Variants in LEMD1 observed in about 807,000 individuals in gnomAD.
LEMD1 encodes LEM domain containing 1.
A neutral mutation model predicts 17.4 loss-of-function variants in LEMD1; 18 were observed. That is an observed-to-expected ratio of 1.04 (90% CI 0.72 to 1.54). The LOEUF (loss-of-function observed/expected upper bound fraction) is 1.54. Among genes scored for constraint, LEMD1 ranks in the 40% most tolerant of loss-of-function variants. The pLI is 0.00. For synonymous variants in LEMD1, 88 were observed against 77.8 expected (o/e 1.13, Z -0.69); for missense variants, 195 against 210.4 (o/e 0.93, Z 0.45).
chr1:205,442,234 T>C (rs929256105), intron 1 of LEMD1, among the ~76,000 whole-genome samples: 2 of 152,126 alleles, frequency 1.3e-5, no homozygotes, highest in Non-Finnish European at 2.9e-5. Flanking sequence ...GCCCAAGTGC[T>C]GCGGGGAAGG....
intron 5 of LEMD1, 67 bp from the exon 6 acceptor site, chr1:205,381,923 T>C: frequency 1.3e-6 from 2 of 1,518,050 alleles, no homozygotes; most frequent in South Asian, 2.3e-5. Flanking sequence ...CCCCTTAAAG[T>C]GTGTGGGTCT....
intron 4 of LEMD1, among the ~76,000 whole-genome samples, chr1:205,392,244 A>G (rs1449463085): frequency 6.6e-6 from 1 of 152,228 alleles, no homozygotes; most frequent in Non-Finnish European, 1.5e-5. Context: ...TGTTTCAATG[A>G]ACAATATGAA....
At chr1:205,400,848 C>CT (rs1288201048) in intron 4 of LEMD1, among the ~76,000 whole-genome samples, 1 of 112,212 alleles carries the variant, frequency 8.9e-6, no homozygotes, top group Admixed American at 1.0e-4. Flanking sequence ...ATCCCTCCCC[C>CT]CCCCCACCCC....
chr1:205,418,462 G>A (rs908330899), intron 3 of LEMD1, among the ~76,000 whole-genome samples: 12 of 152,150 alleles, frequency 7.9e-5, no homozygotes, highest in Non-Finnish European at 1.2e-4. Flanking sequence ...GCTGTCAGTT[G>A]TCATATAAAT....
At chr1:205,390,567 C>A (rs1215835678) in intron 4 of LEMD1, among the ~76,000 whole-genome samples, 1 of 152,046 alleles carries the variant, frequency 6.6e-6, no homozygotes, top group Non-Finnish European at 1.5e-5. Context: ...CACAGTAAAA[C>A]AAAAAGAAAT....
Position 205,381,815 on chromosome 1 carries a change from G to T in LEMD1, c.389C>A (p.Thr130Asn), listed in dbSNP as rs778547670. The change falls in exon 6 of 6, where the codon ACT becomes AAT. Residue 130 changes from threonine to asparagine, a missense_variant. By Grantham distance (65) the Thr-to-Asn change is moderately conservative. Transcript: ENST00000367153. ...GCAGTAGTCTCTCTCTTTGGTGATA[G>T]TCCCATATGTGATTCTGGTGCTTGG... is the stretch of plus-strand genomic sequence containing the variant. ...RAPSTRITYG[T>N]ITKERDYCAE... The T allele has an allele frequency of 6.2e-7, 1 of 1,614,076 alleles. No homozygotes were observed. Among genetic ancestry groups the T allele is most frequent in the Admixed American group, 1.7e-5 (1 of 60,004 alleles).
chr1:205,434,009 A>C (rs1666166076), intron 1 of LEMD1, among the ~76,000 whole-genome samples: 1 of 152,192 alleles, frequency 6.6e-6, no homozygotes, highest in African/African-American at 2.4e-5. Context: ...TTATGACATA[A>C]TAATTCTTTT....
At chr1:205,440,353 G>A (rs965244368) in intron 1 of LEMD1, among the ~76,000 whole-genome samples, 1 of 152,234 alleles carries the variant, frequency 6.6e-6, no homozygotes, top group Non-Finnish European at 1.5e-5. Context: ...TCACTGGGCT[G>A]GCCACCTCAG....
At chr1:205,386,458 G>A (rs974721406) in intron 4 of LEMD1, 1 of 152,114 alleles carries the variant, frequency 6.6e-6, no homozygotes, top group East Asian at 1.9e-4. Context: ...CACCTGCCAC[G>A]ATGCCTGGCT....
chr1:205,392,505 G>A (rs1664391620), intron 4 of LEMD1, among the ~76,000 whole-genome samples: 1 of 151,752 alleles, frequency 6.6e-6, no homozygotes, highest in African/African-American at 2.4e-5. Flanking sequence ...TTGTGCCACT[G>A]TACTCCAGCC....
chr1:205,427,131 T>G (rs971470748), intron 1 of LEMD1, among the ~76,000 whole-genome samples: 25 of 152,144 alleles, frequency 1.6e-4, no homozygotes, highest in African/African-American at 5.8e-4. Context: ...ACTTACTAGC[T>G]GGGCCCTGGC....
intron 4 of LEMD1, among the ~76,000 whole-genome samples, chr1:205,397,039 C>A (rs760480513): frequency 2.6e-5 from 4 of 152,226 alleles, no homozygotes; most frequent in Non-Finnish European, 4.4e-5. Context: ...CCATTTCTAA[C>A]TGTGCTGATT....
Position 205,381,848 on chromosome 1 carries a change from G to A in LEMD1, c.356C>T (p.Ala119Val). 1 of 1,614,112 alleles carries A rather than the reference G, an allele frequency of 6.2e-7. No individual in the cohort carries two copies. The highest frequency in any genetic ancestry group is 1.1e-5 in the South Asian group (1 of 91,078). The part of the protein sequence containing the change: ...YKPSKGRRWA[A>V]RAPSTRITYG... ...TGTGATTCTGGTGCTTGGTGCTCTT[G>A]CAGCCCACCTGTGAAAACATCAGTG... Residue 119 changes from alanine to valine, a missense_variant, in exon 6 of 6, where the codon GCA becomes GTA. Ala to Val is a moderately conservative substitution (Grantham distance 64, BLOSUM62 0). Coordinates refer to ENST00000367153, the MANE Select transcript of LEMD1 (RefSeq NM_001199050.2).
chr1:205,407,061 G>A (rs370851838), intron 4 of LEMD1, among the ~76,000 whole-genome samples: 4 of 152,284 alleles, frequency 2.6e-5, no homozygotes, highest in African/African-American at 9.6e-5. Context: ...ACTGGGCACG[G>A]TGGCTTAGAC....
At chr1:205,411,187 AAAGGAAGG>A (rs201253062) in intron 4 of LEMD1, among the ~76,000 whole-genome samples, 16 of 144,640 alleles carry the variant, frequency 1.1e-4, no homozygotes, top group African/African-American at 2.1e-4. Flanking sequence ...GGAAAGAAGG[AAAGGAAGG>A]AAGGAAGGAA....
Position 205,384,326 on chromosome 1 carries a change from A to G in LEMD1, c.309T>C (p.Asp103=), listed in dbSNP as rs777548679. 3 of 1,526,714 alleles carry G rather than the reference A, an allele frequency of 2.0e-6. No homozygotes were observed. The highest frequency in any genetic ancestry group is 2.5e-5 in the South Asian group (2 of 78,984). The allele number at this position is 1,526,714 out of a possible 1,614,324, so 94.6% of individuals were successfully genotyped here. A position where few individuals can be genotyped will look rare whatever the true frequency, so the allele number is the denominator to read the frequency against. ...EASTTKRKAV[D]TYCLDYKPSK... ...AAGGCTTATAATCCAAGCAATAGGT[A>G]TCTACAGCTTTGCGTTTAGTGGTGG... Residue 103 remains aspartate, a synonymous_variant, in exon 5 of 6, where the codon GAT becomes GAC. Coordinates refer to ENST00000367153, the MANE Select transcript of LEMD1 (RefSeq NM_001199050.2).
rs142304337 is a variant in LEMD1, at chr1:205,389,830, C to G, written c.271-5466G>C. Among the ~76,000 whole-genome samples, 1,157 of 152,252 alleles carry G rather than the reference C, an allele frequency of 7.6e-3. 11 individuals are homozygous for G. The highest frequency in any genetic ancestry group is 0.026 in the African/African-American group (1,086 of 41,542). ...TTAAAACTGAGTTAACTCCAAATCC[C>G]TTTATTGACTAAAAATTATTAAGTT... On this transcript the variant is annotated intron_variant, in intron 4 of 5. Transcript: ENST00000367153.
At chr1:205,397,405 C>T (rs550951492) in intron 4 of LEMD1, among the ~76,000 whole-genome samples, 1 of 152,256 alleles carries the variant, frequency 6.6e-6, no homozygotes, top group East Asian at 1.9e-4. Context: ...ACATAGTCTC[C>T]TCCAAGAAGG....
chr1:205,395,347 C>A (rs1186148577), intron 4 of LEMD1, among the ~76,000 whole-genome samples: 2 of 152,050 alleles, frequency 1.3e-5, no homozygotes, highest in Non-Finnish European at 2.9e-5. Context: ...GTAATCCCAG[C>A]ACTTTGGGAG....
Sources: gnomAD v4.1 joint callset for allele counts (sites outside exome capture counted in the v4.1 genomes callset) on GRCh38, gnomAD v4.1.1 for gene constraint, MANE v1.5 for transcripts, NCBI Gene and HGNC (gene_info 2026-07-23, HGNC 2026-07-21) for gene names.